The following CDH13 variants were observed in gnomAD, a reference collection of about 807,000 sequenced individuals.
CDH13 encodes cadherin 13.
In CDH13, 24 loss-of-function variants were observed where a neutral mutation model predicts 63.8. The observed-to-expected ratio is 0.38, with a 90% CI of 0.27 to 0.53. The LOEUF (loss-of-function observed/expected upper bound fraction) is 0.53, where lower values mean the gene tolerates loss of function less well. Among genes scored for constraint, CDH13 ranks in the 20% least tolerant of loss-of-function variants. The probability of loss-of-function intolerance (pLI) is 0.85; values close to 1 mark genes in which losing one functional copy is unlikely to be tolerated. For synonymous variants in CDH13, 503 were observed against 355.3 expected (o/e 1.42, Z -4.67); for missense variants, 1,049 against 903.1 (o/e 1.16, Z -2.07).
intron 2 of CDH13, among the ~76,000 whole-genome samples, chr16:82,884,034 G>A (rs895168715): frequency 6.6e-6 from 1 of 152,116 alleles, no homozygotes; most frequent in African/African-American, 2.4e-5. Flanking sequence ...GGGTGTATGA[G>A]ATGAATTATT....
intron 2 of CDH13, among the ~76,000 whole-genome samples, chr16:82,922,651 A>G (rs936405555): frequency 3.3e-5 from 5 of 152,194 alleles, no homozygotes; most frequent in Non-Finnish European, 7.3e-5. Context: ...AAGCTCACAG[A>G]GAAGAATTTT....
At chr16:83,407,909 T>G (rs1169235906) in intron 6 of CDH13, among the ~76,000 whole-genome samples, 2 of 152,214 alleles carry the variant, frequency 1.3e-5, no homozygotes, top group Non-Finnish European at 2.9e-5. Context: ...GGGCAGAGTT[T>G]CCATTTGCTT....
Position 83,221,430 on chromosome 16 carries a change from C to T in CDH13, c.636+3933C>T, listed in dbSNP as rs1354988144. Among the ~76,000 whole-genome samples the T allele has an allele frequency of 4.6e-5, 7 of 152,256 alleles. No individual in the cohort carries two copies. The South Asian group carries it at 1.5e-3, about 32-fold the overall frequency. ...ATGCAAAGCCTCCTGAAATATTACT[C>T]ATTATTATGCATTTTGCCAGCATTT... On this transcript the variant is annotated intron_variant, in intron 5 of 13. Transcript: ENST00000567109.
At chr16:83,629,847 A>G (rs1275823829) in intron 8 of CDH13, among the ~76,000 whole-genome samples, 1 of 152,230 alleles carries the variant, frequency 6.6e-6, no homozygotes, top group Non-Finnish European at 1.5e-5. Flanking sequence ...CAGTCACATG[A>G]GCTTACACCT....
chr16:83,621,244 G>A (rs527864009), intron 8 of CDH13, among the ~76,000 whole-genome samples: 3 of 152,204 alleles, frequency 2.0e-5, no homozygotes, highest in South Asian at 2.1e-4. Flanking sequence ...CATTTCTGCC[G>A]GATTCAGTGG....
chr16:83,547,837 T>G (rs1288534526), intron 7 of CDH13, among the ~76,000 whole-genome samples: 1 of 150,568 alleles, frequency 6.6e-6, no homozygotes, highest in Admixed American at 6.6e-5. Context: ...GATAAAGGAG[T>G]GAGGAGGGTG....
chr16:83,535,496 A>G (rs1015748470), intron 7 of CDH13, among the ~76,000 whole-genome samples: 1 of 152,218 alleles, frequency 6.6e-6, no homozygotes, highest in Admixed American at 6.5e-5. Flanking sequence ...TGTGACCGTG[A>G]GGACCAAAGG....
intron 1 of CDH13, among the ~76,000 whole-genome samples, chr16:82,821,348 T>A (rs1266136198): frequency 1.3e-5 from 2 of 152,206 alleles, no homozygotes; most frequent in Non-Finnish European, 2.9e-5. Flanking sequence ...AGGCTATTTT[T>A]AAAATTTATA....
At chr16:83,543,376 A>T (rs1263542235) in intron 7 of CDH13, among the ~76,000 whole-genome samples, 1 of 152,226 alleles carries the variant, frequency 6.6e-6, no homozygotes, top group African/African-American at 2.4e-5. Flanking sequence ...ATTAAATGAC[A>T]TGGCTCCTTT....
At chr16:82,984,513 C>T (rs1240401387) in intron 2 of CDH13, among the ~76,000 whole-genome samples, 1 of 152,098 alleles carries the variant, frequency 6.6e-6, no homozygotes, top group Non-Finnish European at 1.5e-5. Context: ...CACCTTTTTC[C>T]TAAATTTACT....
chr16:82,650,893 G>C (rs1414631368), intron 1 of CDH13, among the ~76,000 whole-genome samples: 1 of 152,198 alleles, frequency 6.6e-6, no homozygotes, highest in African/African-American at 2.4e-5. Flanking sequence ...GTTTAAATTG[G>C]AAAGTTAAAA....
At chr16:83,053,619 GA>G (rs1330016697) in intron 3 of CDH13, among the ~76,000 whole-genome samples, 2 of 151,822 alleles carry the variant, frequency 1.3e-5, no homozygotes, top group African/African-American at 2.4e-5. Flanking sequence ...AATAGAAAAT[GA>G]AAAAAAGTAA....
At chr16:82,678,871 G>A (rs890212634) in intron 1 of CDH13, among the ~76,000 whole-genome samples, 1 of 152,172 alleles carries the variant, frequency 6.6e-6, no homozygotes, top group African/African-American at 2.4e-5. Flanking sequence ...CATCATCCCT[G>A]ACATAGCCTG....
At chr16:82,710,532 C>CAAAAAAA (rs71913517) in intron 1 of CDH13, among the ~76,000 whole-genome samples, 4 of 55,906 alleles carry the variant, frequency 7.2e-5, no homozygotes, top group Non-Finnish European at 1.2e-4. Flanking sequence ...GACTCTGTCT[C>CAAAAAAA]AAAAAAAAAA....
intron 2 of CDH13, among the ~76,000 whole-genome samples, chr16:83,011,063 C>T (rs1012890102): frequency 6.6e-6 from 1 of 152,120 alleles, no homozygotes; most frequent in South Asian, 2.1e-4. Flanking sequence ...TGGTGTGGAA[C>T]GTTTCTTCTG....
At chr16:83,100,439 T>C (rs2034420644) in intron 3 of CDH13, among the ~76,000 whole-genome samples, 4 of 152,142 alleles carry the variant, frequency 2.6e-5, no homozygotes. Context: ...AGAAGGGTGG[T>C]GAATTTTTTC....
chr16:83,497,282 C>T (rs1208983655), intron 7 of CDH13, among the ~76,000 whole-genome samples: 3 of 151,858 alleles, frequency 2.0e-5, no homozygotes, highest in Non-Finnish European at 4.4e-5. Flanking sequence ...CAATGATAGA[C>T]TGGATTAAGA....
At chr16:82,816,559 C>G (rs888792469) in intron 1 of CDH13, among the ~76,000 whole-genome samples, 1 of 151,748 alleles carries the variant, frequency 6.6e-6, no homozygotes, top group Non-Finnish European at 1.5e-5. Flanking sequence ...TTGAAAGAGG[C>G]AAAGGAATGA....
chr16:83,079,279 C>T lies in CDH13; in HGVS notation c.367-46106C>T, dbSNP rs72796258. Among the ~76,000 whole-genome samples, 644 of 152,264 alleles carry T rather than the reference C, an allele frequency of 4.2e-3. 4 individuals are homozygous for T. The highest frequency in any genetic ancestry group is 7.5e-3 in the Non-Finnish European group (511 of 68,024). On this transcript the variant is annotated intron_variant, in intron 3 of 13. Transcript: ENST00000567109. ...GCTTTAGAATATTCCATTGTATGAA[C>T]GAACACACCTTCTTTTATTAACCTT...
Sources: allele counts gnomAD v4.1 joint callset (sites outside exome capture counted in the v4.1 genomes callset), GRCh38; gene constraint gnomAD v4.1.1; transcripts MANE v1.5; gene names NCBI Gene and HGNC (gene_info 2026-07-23, HGNC 2026-07-21).